The following GRIN2B variants were observed in gnomAD, a reference collection of about 807,000 sequenced individuals.
GRIN2B encodes glutamate receptor ionotropic, NMDA 2B.
A neutral mutation model predicts 114.5 loss-of-function variants in GRIN2B; 5 were observed. The ratio of observed to expected loss-of-function variants is 0.04; its 90% CI spans 0.02 to 0.09. The LOEUF is 0.09. Ranked by LOEUF, GRIN2B falls within the 10% of genes least tolerant of loss-of-function variation. The pLI is 1.00. For missense variants in GRIN2B, 1,108 were observed against 1,943.5 expected, an observed-to-expected ratio of 0.57 and a Z score of 8.08; for synonymous variants, 787 against 745.1, an observed-to-expected ratio of 1.06 and a Z score of -0.92.
chr12:13,808,806 G>A (rs912718521), intron 3 of GRIN2B, among the ~76,000 whole-genome samples: 3 of 150,254 alleles, frequency 2.0e-5, no homozygotes, highest in Admixed American at 6.7e-5. Flanking sequence ...GGGGGTTCCC[G>A]AGCCCTATAG....
intron 3 of GRIN2B, among the ~76,000 whole-genome samples, chr12:13,854,768 T>C (rs1175337523): frequency 2.0e-5 from 3 of 152,132 alleles, no homozygotes; most frequent in Admixed American, 2.0e-4. Flanking sequence ...TTCAAGATCA[T>C]ACTGTTGATG....
At chr12:13,574,971 T>C (rs1026488409) in intron 10 of GRIN2B, among the ~76,000 whole-genome samples, 7 of 152,220 alleles carry the variant, frequency 4.6e-5, no homozygotes, top group Non-Finnish European at 5.9e-5. Context: ...GGATGGCCTT[T>C]AACAAATGGT....
At chr12:13,685,761 G>A (rs756706308) in intron 4 of GRIN2B, among the ~76,000 whole-genome samples, 9 of 152,130 alleles carry the variant, frequency 5.9e-5, no homozygotes, top group South Asian at 2.1e-4. Flanking sequence ...TTTCTCCCAA[G>A]GAAAGACCAG....
chr12:13,797,959 G>T (rs1422643606), intron 3 of GRIN2B, among the ~76,000 whole-genome samples: 1 of 152,082 alleles, frequency 6.6e-6, no homozygotes, highest in Non-Finnish European at 1.5e-5. Flanking sequence ...ATAATCACTT[G>T]CAGACTTCAG....
chr12:13,586,700 A>C (rs942883338), intron 10 of GRIN2B, among the ~76,000 whole-genome samples: 1 of 152,332 alleles, frequency 6.6e-6, no homozygotes, highest in East Asian at 1.9e-4. Flanking sequence ...CCCGATTTAG[A>C]TGGTGTGACA....
intron 2 of GRIN2B, among the ~76,000 whole-genome samples, chr12:13,906,097 G>A (rs1866530569): frequency 6.6e-6 from 1 of 152,156 alleles, no homozygotes. Context: ...TCAGCATCAT[G>A]ATGCCTTATC....
At chr12:13,791,451 CAAAAAAAAAAAT>C (rs1864319153) in intron 3 of GRIN2B, among the ~76,000 whole-genome samples, 1 of 106,714 alleles carries the variant, frequency 9.4e-6, no homozygotes, top group Admixed American at 9.8e-5. Flanking sequence ...GACTCTGTCT[CAAAAAAAAAAAT>C]AAAAAAAAAA....
chr12:13,860,606 G>T (rs948557499), intron 3 of GRIN2B, among the ~76,000 whole-genome samples: 1 of 152,172 alleles, frequency 6.6e-6, no homozygotes, highest in East Asian at 1.9e-4. Context: ...TTACAGGCAT[G>T]AGCCACCGTG....
intron 3 of GRIN2B, among the ~76,000 whole-genome samples, chr12:13,820,608 A>G (rs934701152): frequency 1.3e-5 from 2 of 152,272 alleles, no homozygotes; most frequent in African/African-American, 4.8e-5. Context: ...GGAAGCAACC[A>G]TGTTCTATTT....
chr12:13,835,187 C>T (rs1240248430), intron 3 of GRIN2B, among the ~76,000 whole-genome samples: 1 of 152,186 alleles, frequency 6.6e-6, no homozygotes, highest in Non-Finnish European at 1.5e-5. Flanking sequence ...GGAACGCCTC[C>T]ATCCCACAGC....
intron 10 of GRIN2B, among the ~76,000 whole-genome samples, chr12:13,598,362 C>G (rs1322358129): frequency 6.6e-6 from 1 of 152,196 alleles, no homozygotes; most frequent in Non-Finnish European, 1.5e-5. Context: ...CAGACTGACT[C>G]CCTCCTTCCC....
chr12:13,750,150 G>A (rs1258589752), intron 4 of GRIN2B, among the ~76,000 whole-genome samples: 4 of 151,948 alleles, frequency 2.6e-5, no homozygotes, highest in Non-Finnish European at 4.4e-5. Flanking sequence ...CTCTCTCTCA[G>A]TCTCTCTGCT....
At position 13,975,206 on chromosome 12, in the gene GRIN2B, G is replaced by A. The variant is rs551855324; in HGVS notation, c.-19+4722C>T. On this transcript the variant is annotated intron_variant, in intron 2 of 13. Coordinates refer to ENST00000609686, the MANE Select transcript of GRIN2B (RefSeq NM_000834.5). Reference sequence around the variant, plus strand: ...TGGTCTGTAATTAAAAGCAGGGATGGTGTAGACCTGTGAAGCGTGGTCCAG... The same window carrying A: ...TGGTCTGTAATTAAAAGCAGGGATGATGTAGACCTGTGAAGCGTGGTCCAG... Among the ~76,000 whole-genome samples, 24 of 152,344 alleles carry A rather than the reference G, an allele frequency of 1.6e-4. 1 individual carries two copies. Among genetic ancestry groups the A allele is most frequent in the Middle Eastern group, 3.4e-3 (1 of 294 alleles).
chr12:13,603,566 G>C (rs910628430), intron 10 of GRIN2B, among the ~76,000 whole-genome samples: 14 of 151,798 alleles, frequency 9.2e-5, no homozygotes, highest in Admixed American at 9.2e-4. Flanking sequence ...GCTTGTAAGA[G>C]CTGAAAAAAA....
At chr12:13,707,532 G>T (rs1950371603) in intron 4 of GRIN2B, among the ~76,000 whole-genome samples, 1 of 152,038 alleles carries the variant, frequency 6.6e-6, no homozygotes, top group Non-Finnish European at 1.5e-5. Context: ...GGGGTCTTTG[G>T]AATGTTGTGG....
rs1948443873 is a variant in GRIN2B at position 13,553,604 on chromosome 12, C to G, written c.*9179G>C. The stretch of plus-strand genomic sequence containing the variant: ...TACAGTGGTCCTGTTGGACCACCAC[C>G]TGGGGTCTACAAGGCTGTGTGATTA... On this transcript the variant is annotated 3_prime_UTR_variant, in exon 14 of 14. Coordinates refer to ENST00000609686, the MANE Select transcript of GRIN2B (RefSeq NM_000834.5). 1 of 152,172 alleles carries G rather than the reference C, an allele frequency of 6.6e-6. No individual in the cohort carries two copies. Among genetic ancestry groups the G allele is most frequent in the African/African-American group, 2.4e-5 (1 of 41,430 alleles). The allele number at this position is 152,172 out of a possible 1,614,324, so 9.4% of individuals were successfully genotyped here. A position where few individuals can be genotyped will look rare whatever the true frequency, so the allele number is the denominator to read the frequency against.
In GRIN2B at chr12:13,629,822, T is replaced by C. The variant is rs149504008; in HGVS notation, c.1126-13165A>G. Among the ~76,000 whole-genome samples the C allele has an allele frequency of 4.4e-4, 67 of 152,304 alleles. 2 individuals carry two copies. The East Asian group carries it at 0.013, about 29-fold the overall frequency. ...TGTCTTTACTCATGCCAAAATCCTC[T>C]ATTTTAAACCCCTGGTCTTCTGAAT... On this transcript the variant is annotated intron_variant, in intron 5 of 13. Coordinates refer to ENST00000609686, the MANE Select transcript of GRIN2B (RefSeq NM_000834.5).
intron 6 of GRIN2B, among the ~76,000 whole-genome samples, chr12:13,616,221 C>G (rs945385893): frequency 2.0e-5 from 3 of 152,174 alleles, no homozygotes; most frequent in African/African-American, 7.2e-5. Flanking sequence ...TAAGGCCAAG[C>G]AAGACCGAAG....
At chr12:13,800,894 T>C (rs1018316438) in intron 3 of GRIN2B, among the ~76,000 whole-genome samples, 5 of 152,188 alleles carry the variant, frequency 3.3e-5, no homozygotes, top group Non-Finnish European at 7.4e-5. Context: ...GAAAATGATA[T>C]AAATGATGTA....
Sources: gnomAD v4.1 joint callset for allele counts (sites outside exome capture counted in the v4.1 genomes callset) on GRCh38, gnomAD v4.1.1 for gene constraint, MANE v1.5 for transcripts, NCBI Gene and HGNC (gene_info 2026-07-23, HGNC 2026-07-21) for gene names.